The following PHF21B variants were observed in gnomAD, a reference collection of about 807,000 sequenced individuals.
The protein encoded by PHF21B is PHD finger protein 21B, also known as PHD finger protein 4.
Under a neutral mutation model 62.2 loss-of-function variants are expected in PHF21B, and 22 were observed. The observed-to-expected ratio is 0.35, with a 90% CI of 0.25 to 0.51. The LOEUF (loss-of-function observed/expected upper bound fraction) is 0.51, where lower values mean the gene tolerates loss of function less well. Among genes scored for constraint, PHF21B ranks in the 20% least tolerant of loss-of-function variants. The pLI, the probability that PHF21B is intolerant of heterozygous loss-of-function variation, is 0.97. For missense variants in PHF21B, 701 were observed against 707.9 expected (o/e 0.99, Z 0.11); for synonymous variants, 341 against 314.7 (o/e 1.08, Z -0.88).
At chr22:44,931,267 C>T (rs1027336459) in intron 2 of PHF21B, among the ~76,000 whole-genome samples, 2 of 152,116 alleles carry the variant, frequency 1.3e-5, no homozygotes, top group Admixed American at 6.6e-5. Context: ...GCTCATGTCT[C>T]GCTCCGAGGC....
At chr22:44,968,292 A>G (rs769439860) in intron 2 of PHF21B, among the ~76,000 whole-genome samples, 1 of 152,132 alleles carries the variant, frequency 6.6e-6, no homozygotes, top group Non-Finnish European at 1.5e-5. Flanking sequence ...GGACTAAGAA[A>G]TGTTTACTCT....
At chr22:44,906,000 G>A (rs539565838) in intron 5 of PHF21B, among the ~76,000 whole-genome samples, 3 of 152,126 alleles carry the variant, frequency 2.0e-5, no homozygotes, top group Admixed American at 6.5e-5. Flanking sequence ...GCTGTGGCCC[G>A]GACCAGCAGA....
chr22:44,938,755 A>T (rs1224911655), intron 2 of PHF21B, among the ~76,000 whole-genome samples: 1 of 152,236 alleles, frequency 6.6e-6, no homozygotes, highest in Non-Finnish European at 1.5e-5. Flanking sequence ...ATAAGGTGCC[A>T]TCTCTAGGAG....
rs891242781 is a variant in PHF21B at position 44,955,594 on chromosome 22, G to A, written c.121-35104C>T. Among the ~76,000 whole-genome samples, 4 of 152,178 alleles carry A rather than the reference G, an allele frequency of 2.6e-5. No homozygotes were observed. The South Asian group carries it at 6.2e-4, about 24-fold the overall frequency. ...GGAAGGGTGGCTTCTCTCTTCCTGA[G>A]CGGGGAGATCCTCCTTCTCCTGCTC... On this transcript the variant is annotated intron_variant, in intron 2 of 12. Transcript: ENST00000313237.
chr22:44,952,380 C>T (rs572507541), intron 2 of PHF21B, among the ~76,000 whole-genome samples: 26 of 152,204 alleles, frequency 1.7e-4, no homozygotes, highest in Non-Finnish European at 2.5e-4. Context: ...ATGCATGCAA[C>T]GTGAGAGAAA....
At chr22:44,953,925 G>A (rs138783963) in intron 2 of PHF21B, among the ~76,000 whole-genome samples, 4 of 152,274 alleles carry the variant, frequency 2.6e-5, no homozygotes, top group East Asian at 3.9e-4. Flanking sequence ...AGCCCACCCC[G>A]CCAGGAGAGG....
At chr22:44,948,402 C>G (rs1488859319) in intron 2 of PHF21B, among the ~76,000 whole-genome samples, 1 of 152,190 alleles carries the variant, frequency 6.6e-6, no homozygotes, top group African/African-American at 2.4e-5. Flanking sequence ...CTGCTTCAGG[C>G]TGGGCGCAGT....
chr22:44,923,669 G>A (rs2071577579), intron 2 of PHF21B, among the ~76,000 whole-genome samples: 1 of 151,978 alleles, frequency 6.6e-6, no homozygotes, highest in Non-Finnish European at 1.5e-5. Context: ...TCAATAATCT[G>A]AAAACAAACA....
At chr22:44,994,929 G>A (rs955695690) in intron 2 of PHF21B, among the ~76,000 whole-genome samples, 2 of 152,252 alleles carry the variant, frequency 1.3e-5, no homozygotes, top group South Asian at 2.1e-4. Context: ...AGCCTGCAGC[G>A]GCAGCATCTG....
chr22:44,936,993 T>C (rs926922135), intron 2 of PHF21B, among the ~76,000 whole-genome samples: 1 of 151,678 alleles, frequency 6.6e-6, no homozygotes, highest in African/African-American at 2.4e-5. Context: ...GCCTCCTGAG[T>C]AGCTGGGATT....
intron 2 of PHF21B, among the ~76,000 whole-genome samples, chr22:44,970,227 C>G (rs2147446013): frequency 6.6e-6 from 1 of 152,380 alleles, no homozygotes; most frequent in East Asian, 1.9e-4. Flanking sequence ...GCATATTCCC[C>G]ATCCCTTGAA....
intron 5 of PHF21B, among the ~76,000 whole-genome samples, chr22:44,903,108 A>C (rs1309827476): frequency 6.6e-6 from 1 of 152,096 alleles, no homozygotes; most frequent in Non-Finnish European, 1.5e-5. Flanking sequence ...CAGGAGACAT[A>C]TTTTGCCTGG....
At chr22:44,901,294 G>A (rs1285119446) in intron 5 of PHF21B, among the ~76,000 whole-genome samples, 3 of 152,226 alleles carry the variant, frequency 2.0e-5, no homozygotes, top group African/African-American at 4.8e-5. Flanking sequence ...GCTGGGCTGG[G>A]AGAACACTGG....
intron 2 of PHF21B, among the ~76,000 whole-genome samples, chr22:44,988,109 T>C (rs994160789): frequency 1.3e-5 from 2 of 152,234 alleles, no homozygotes; most frequent in African/African-American, 4.8e-5. Flanking sequence ...CTTTGTGGAA[T>C]ACCATGAACT....
At chr22:44,920,300 C>G (rs1210649006) in intron 3 of PHF21B, 98 bp downstream of exon 3, 6 of 902,698 alleles carry the variant, frequency 6.6e-6, no homozygotes, top group Non-Finnish European at 9.7e-6. Context: ...TTCCGCCTGG[C>G]CCAGTGCCCA....
intron 2 of PHF21B, among the ~76,000 whole-genome samples, chr22:44,937,967 T>G (rs2071883052): frequency 6.6e-6 from 1 of 152,274 alleles, no homozygotes; most frequent in Non-Finnish European, 1.5e-5. Context: ...AATGCTCTAT[T>G]TTGGAGTATA....
chr22:44,980,458 C>A (rs1216241805), intron 2 of PHF21B, among the ~76,000 whole-genome samples: 1 of 152,218 alleles, frequency 6.6e-6, no homozygotes, highest in Non-Finnish European at 1.5e-5. Context: ...GTCCACACTG[C>A]AGACCTTGGA....
rs1190391126 is a variant in PHF21B, at chr22:45,009,083, G to T, written c.54+413C>A. 3 of 1,097,146 alleles carry T rather than the reference G, an allele frequency of 2.7e-6. No individual in the cohort carries two copies. The allele number at this position is 1,097,146 out of a possible 1,614,324, so 68.0% of individuals were successfully genotyped here. A position where few individuals can be genotyped will look rare whatever the true frequency, so the allele number is the denominator to read the frequency against. ...GCCGCCACGCCGCCGCTCGCCAGCA[G>T]CGATCGCCAAAACTACTTCTGCACA... On this transcript the variant is annotated intron_variant, in intron 1 of 12. Coordinates refer to ENST00000313237, the MANE Select transcript of PHF21B (RefSeq NM_138415.5). The surrounding 1 kb of genome is among the most constrained non-coding windows in gnomAD (Gnocchi z 5.9).
intron 2 of PHF21B, among the ~76,000 whole-genome samples, chr22:44,955,480 G>A (rs184382764): frequency 6.6e-6 from 1 of 152,222 alleles, no homozygotes; most frequent in Non-Finnish European, 1.5e-5. Flanking sequence ...CAGCATATGG[G>A]TAGGTAGACC....
Sources: allele counts gnomAD v4.1 joint callset (sites outside exome capture counted in the v4.1 genomes callset), GRCh38; gene constraint gnomAD v4.1.1; non-coding constraint Gnocchi (gnomAD v3.1); transcripts MANE v1.5; gene names NCBI Gene and HGNC (gene_info 2026-07-23, HGNC 2026-07-21).